Variants in TENM3 observed in about 807,000 individuals in gnomAD.
The protein encoded by TENM3 is teneurin-3.
In TENM3, 63 loss-of-function variants were observed where a neutral mutation model predicts 255.1. That is an observed-to-expected ratio of 0.25 (90% confidence interval 0.20 to 0.30). TENM3 has a LOEUF of 0.30. TENM3 is among the 10% of genes least tolerant of loss of function. The pLI, the probability that TENM3 is intolerant of heterozygous loss-of-function variation, is 1.00. For synonymous variants in TENM3, 1,306 were observed against 1,322.3 expected (o/e 0.99, Z 0.27); for missense variants, 2,929 against 3,461.1 (o/e 0.85, Z 3.86).
At chr4:181,715,094 G>C in the TENM3 span, among the ~76,000 whole-genome samples, 2 of 152,194 alleles carry the variant, frequency 1.3e-5, no homozygotes, top group Non-Finnish European at 2.9e-5. Flanking sequence ...ATACGTGGTA[G>C]AGCAGGGTCT....
At chr4:181,705,784 A>G in the TENM3 span, among the ~76,000 whole-genome samples, 1 of 152,056 alleles carries the variant, frequency 6.6e-6, no homozygotes, top group East Asian at 1.9e-4. Context: ...TTTAACAGTC[A>G]TTTTACCTGA....
At chr4:182,349,868 TG>T (rs778491110) in intron 3 of TENM3, 1 of 373,762 alleles carries the variant, frequency 2.7e-6, no homozygotes, top group South Asian at 2.1e-5. Flanking sequence ...GAAGTTCTAT[TG>T]TATCACTAAA....
the TENM3 span, among the ~76,000 whole-genome samples, chr4:181,466,853 A>G: frequency 6.6e-6 from 1 of 152,006 alleles, no homozygotes; most frequent in East Asian, 1.9e-4. Context: ...TTTTCTTGTA[A>G]AAATGCTTAA....
chr4:181,488,959 T>G, the TENM3 span, among the ~76,000 whole-genome samples: 1 of 152,198 alleles, frequency 6.6e-6, no homozygotes. Flanking sequence ...CAGCAAAATC[T>G]TCTTGCCATG....
intron 1 of TENM3, among the ~76,000 whole-genome samples, chr4:182,323,708 A>G (rs1763205003): frequency 6.6e-6 from 1 of 152,156 alleles, no homozygotes; most frequent in African/African-American, 2.4e-5. Flanking sequence ...AATGGGGAAA[A>G]TCAGATACAG....
the TENM3 span, among the ~76,000 whole-genome samples, chr4:181,558,956 T>C: frequency 6.6e-6 from 1 of 152,210 alleles, no homozygotes; most frequent in Non-Finnish European, 1.5e-5. Context: ...ATTATTTTAC[T>C]GTAAATATGT....
chr4:182,379,384 C>A (rs918424990), intron 3 of TENM3, among the ~76,000 whole-genome samples: 2 of 152,044 alleles, frequency 1.3e-5, no homozygotes, highest in Non-Finnish European at 2.9e-5. Flanking sequence ...TTGCAAGAAA[C>A]AGGAAGAGCA....
chr4:182,034,009 A>G, the TENM3 span, among the ~76,000 whole-genome samples: 3 of 152,184 alleles, frequency 2.0e-5, no homozygotes, highest in Admixed American at 1.3e-4. Flanking sequence ...TGTTTAAAGG[A>G]AAGAGGTCAA....
chr4:182,030,399 A>G, the TENM3 span, among the ~76,000 whole-genome samples: 116,946 of 151,866 alleles, frequency 0.77, 46,057 homozygotes, highest in East Asian at 0.91. Context: ...CCTGTCCTGC[A>G]AAAGACATGA....
rs1456567220 is a variant in TENM3, at chr4:182,800,860, C to G, written c.*509C>G. ...TTCCCTGTGCAGCTTTGTAGAAGGACATTGGCACAGTGACTTCTGCGGCGG... is the reference window on the plus strand; with the variant it reads ...TTCCCTGTGCAGCTTTGTAGAAGGAGATTGGCACAGTGACTTCTGCGGCGG... On this transcript the variant is annotated 3_prime_UTR_variant, in exon 28 of 28. Coordinates refer to ENST00000511685, the MANE Select transcript of TENM3 (RefSeq NM_001080477.4). 6.5e-6 allele frequency: 1 copy of G among 152,864 alleles called. No homozygotes were observed. Among genetic ancestry groups the G allele is most frequent in the East Asian group, 1.9e-4 (1 of 5,196 alleles). 9.5% of individuals were successfully genotyped at this position (152,864 alleles called of 1,614,324 possible). A position where few individuals can be genotyped will look rare whatever the true frequency, so the allele number is the denominator to read the frequency against.
intron 1 of TENM3, among the ~76,000 whole-genome samples, chr4:182,230,146 A>C (rs1422264104): frequency 7.6e-6 from 1 of 131,324 alleles, no homozygotes; most frequent in Admixed American, 8.0e-5. Flanking sequence ...AAAAAAAAAA[A>C]AATCTTCCCA....
chr4:181,584,870 A>C, the TENM3 span, among the ~76,000 whole-genome samples: 2 of 152,174 alleles, frequency 1.3e-5, no homozygotes, highest in African/African-American at 4.8e-5. Flanking sequence ...CAGAAAGCAA[A>C]GGCATAAATA....
chr4:182,754,352 C>T lies in TENM3; in HGVS notation c.4018-33C>T. ...TGGCGAATTAACTGTAGTGCAGTAACTTACTAACCAGGCCATTTCTTTTTT... is the reference window on the plus strand; with the variant it reads ...TGGCGAATTAACTGTAGTGCAGTAATTTACTAACCAGGCCATTTCTTTTTT... On this transcript the variant is annotated intron_variant, in intron 21 of 27. Transcript: ENST00000511685. The surrounding 1 kb of genome is among the most constrained non-coding windows in gnomAD (Gnocchi z 5.1). The T allele has an allele frequency of 6.5e-7, 1 of 1,532,770 alleles. No homozygotes were observed. The highest frequency in any genetic ancestry group is 8.8e-7 in the Non-Finnish European group (1 of 1,136,422). The allele number at this position is 1,532,770 out of a possible 1,614,324, so 94.9% of individuals were successfully genotyped here.
At chr4:182,137,315 T>C in the TENM3 span, among the ~76,000 whole-genome samples, 1 of 142,738 alleles carries the variant, frequency 7.0e-6, no homozygotes. Context: ...TCCCCAAGTC[T>C]CACTCTTCTC....
chr4:182,268,548 C>T (rs1231206052), intron 1 of TENM3, among the ~76,000 whole-genome samples: 7 of 152,128 alleles, frequency 4.6e-5, no homozygotes, highest in Non-Finnish European at 1.0e-4. Flanking sequence ...TACTGGGCTG[C>T]ATTCCCAGAT....
the TENM3 span, among the ~76,000 whole-genome samples, chr4:182,136,598 G>A: frequency 3.9e-5 from 6 of 152,176 alleles, no homozygotes; most frequent in East Asian, 1.2e-3. Flanking sequence ...ATACTCACGT[G>A]GGAGTTTTAG....
chr4:181,709,448 G>A, the TENM3 span, among the ~76,000 whole-genome samples: 1 of 152,368 alleles, frequency 6.6e-6, no homozygotes, highest in South Asian at 2.1e-4. Context: ...GTAGGAAAGT[G>A]TGAGACCATT....
chr4:181,595,467 G>T, the TENM3 span, among the ~76,000 whole-genome samples: 1 of 111,438 alleles, frequency 9.0e-6, no homozygotes, highest in Admixed American at 9.8e-5. Context: ...AGCAAGAGTA[G>T]AATTTAATTC....
At chr4:182,159,141 C>T (rs548898368) in intron 1 of TENM3, among the ~76,000 whole-genome samples, 4 of 152,216 alleles carry the variant, frequency 2.6e-5, no homozygotes, top group Non-Finnish European at 4.4e-5. Flanking sequence ...GTGCCTGGCC[C>T]GGGGCCCCCA....
Sources: gnomAD v4.1 joint callset for allele counts (sites outside exome capture counted in the v4.1 genomes callset) on GRCh38, gnomAD v4.1.1 for gene constraint, Gnocchi (gnomAD v3.1) non-coding constraint, MANE v1.5 for transcripts, NCBI Gene and HGNC (gene_info 2026-07-23, HGNC 2026-07-21) for gene names.